HGD: variants seen among roughly 807,000 people sequenced by gnomAD.
HGD encodes homogentisate oxidase.
Under a neutral mutation model 60.8 loss-of-function variants are expected in HGD, and 61 were observed. The ratio of observed to expected loss-of-function variants is 1.00; its 90% CI spans 0.82 to 1.24. The LOEUF (loss-of-function observed/expected upper bound fraction) is 1.24. Ranked by LOEUF, HGD falls within the 50% of genes most tolerant of loss-of-function variation. HGD has a pLI of 0.00. For synonymous variants in HGD, 212 were observed against 187.7 expected (o/e 1.13, Z -1.06); for missense variants, 542 against 547.1 (o/e 0.99, Z 0.09).
rs1940599735 is a variant in HGD, at chr3:120,631,813, A to ACCCAGGGTCT, written c.1188+1324_1188+1333dup. ...CCATCAGGTATTCTGGCTCCTTGAT[A>ACCCAGGGTCT]CCCAGGGTCTCCCATCCTAATAGGA... is the stretch of plus-strand genomic sequence containing the variant. On this transcript the variant is annotated intron_variant, in intron 13 of 13. Transcript: ENST00000283871. Among the ~76,000 whole-genome samples the ACCCAGGGTCT allele has an allele frequency of 2.0e-5, 3 of 152,192 alleles. No homozygotes were observed. The East Asian group carries it at 5.8e-4, about 29-fold the overall frequency.
chr3:120,652,463 G>A (rs565804638), intron 5 of HGD, 129 bp downstream of exon 5: 101 of 713,478 alleles, frequency 1.4e-4, no homozygotes, highest in Admixed American at 6.0e-5. Flanking sequence ...CAAAGCATAC[G>A]CAGGTGGTTT....
chr3:120,659,544 A>C (rs1166289899), intron 4 of HGD, among the ~76,000 whole-genome samples: 1 of 152,170 alleles, frequency 6.6e-6, no homozygotes, highest in Non-Finnish European at 1.5e-5. Context: ...TTTATTGTTC[A>C]TGTCACTATT....
rs1201452131 is a variant in HGD, at chr3:120,630,825, T to TAC, written c.1189-2298_1189-2297dup. 6.8e-4 allele frequency among the ~76,000 whole-genome samples: 71 copies of TAC among 104,132 alleles called. 1 individual carries two copies. Among genetic ancestry groups the TAC allele is most frequent in the East Asian group, 2.5e-3 (10 of 3,968 alleles). The allele number at this position is 104,132 out of a possible 152,430, so 68.3% of individuals were successfully genotyped here. On this transcript the variant is annotated intron_variant, in intron 13 of 13. Transcript: ENST00000283871. ...ATATATATATATATATATATATATA[T>TAC]ACACATACACACACACATACACACA...
chr3:120,654,543 T>A (rs529894453), intron 4 of HGD, among the ~76,000 whole-genome samples: 43 of 152,340 alleles, frequency 2.8e-4, no homozygotes, highest in South Asian at 8.3e-4. Context: ...ATCAACTAAA[T>A]TCTGGCATCT....
At chr3:120,681,215 G>A (rs183562284) in intron 1 of HGD, among the ~76,000 whole-genome samples, 1 of 152,350 alleles carries the variant, frequency 6.6e-6, no homozygotes, top group East Asian at 1.9e-4. Flanking sequence ...GAAGATGTCT[G>A]TTGTGGGGTG....
chr3:120,631,294 T>A lies in HGD; in HGVS notation c.1188+1853A>T, dbSNP rs1343285455. ...GAATAAGACCTAGCATTTGATAGCA[T>A]AACAGGGTGACCATAGTCAATAAAA... is the stretch of plus-strand genomic sequence containing the variant. On this transcript the variant is annotated intron_variant, in intron 13 of 13. Coordinates refer to ENST00000283871, the MANE Select transcript of HGD (RefSeq NM_000187.4). Among the ~76,000 whole-genome samples, 5 of 152,230 alleles carry A rather than the reference T, an allele frequency of 3.3e-5. No homozygotes were observed. The East Asian group carries it at 9.7e-4, about 29-fold the overall frequency.
intron 13 of HGD, among the ~76,000 whole-genome samples, chr3:120,629,583 CAA>C (rs1940521240): frequency 6.6e-6 from 1 of 152,154 alleles, no homozygotes; most frequent in African/African-American, 2.4e-5. Flanking sequence ...AGTATATCTT[CAA>C]GTTAAAAACT....
intron 1 of HGD, chr3:120,677,948 G>A (rs1377552727): frequency 1.3e-5 from 2 of 152,218 alleles, no homozygotes; most frequent in East Asian, 1.9e-4. Flanking sequence ...GCGTGGAGAT[G>A]TAACAAGCCT....
rs775274569 is a variant in HGD at position 120,647,888 on chromosome 3, T to C, written c.458A>G (p.Asp153Gly). 1.2e-6 allele frequency: 2 copies of C among 1,612,404 alleles called. No homozygotes were observed. The highest frequency in any genetic ancestry group is 2.2e-5 in the East Asian group (1 of 44,876). Residue 153 changes from aspartate to glycine, a missense_variant, in exon 7 of 14, where the codon GAC (aspartate) becomes GGC (glycine). Coordinates refer to ENST00000283871, the MANE Select transcript of HGD (RefSeq NM_000187.4). ...TCTTCAGAACTCACCAATCAAGAAG[T>C]CCCCATCTGAATTGTAAAAGCATCT... ...ENRCFYNSDGDFLIVPQKGNL... is the reference protein window; with the variant it reads ...ENRCFYNSDGGFLIVPQKGNL...
intron 4 of HGD, among the ~76,000 whole-genome samples, chr3:120,669,049 G>A (rs1368709121): frequency 6.6e-6 from 1 of 152,010 alleles, no homozygotes; most frequent in East Asian, 1.9e-4. Context: ...TAGAGAAAAC[G>A]CCCACTATTA....
intron 6 of HGD, 80 bp downstream of exon 6, chr3:120,650,694 A>T: frequency 9.9e-7 from 1 of 1,007,816 alleles, no homozygotes; most frequent in Non-Finnish European, 1.6e-6. Flanking sequence ...TGACTTCACA[A>T]GAGTGAAACC....
chr3:120,681,575 G>A (rs1056952589), intron 1 of HGD, among the ~76,000 whole-genome samples: 2 of 152,190 alleles, frequency 1.3e-5, no homozygotes, highest in African/African-American at 4.8e-5. Context: ...TAGCTAAAAT[G>A]CTTAGCACCT....
intron 11 of HGD, 148 bp from the exon 12 acceptor site, chr3:120,638,729 A>G (rs956847144): frequency 1.1e-6 from 1 of 896,548 alleles, no homozygotes; most frequent in African/African-American, 1.7e-5. Flanking sequence ...AGATAGAGGG[A>G]TACATATGCA....
At chr3:120,634,692 C>T (rs538322506) in intron 12 of HGD, among the ~76,000 whole-genome samples, 3 of 152,292 alleles carry the variant, frequency 2.0e-5, no homozygotes, top group Admixed American at 2.0e-4. Flanking sequence ...GCAGTGGCAA[C>T]CGTTACAAAA....
intron 4 of HGD, among the ~76,000 whole-genome samples, chr3:120,658,017 C>T (rs1423016364): frequency 1.3e-5 from 2 of 152,142 alleles, no homozygotes; most frequent in Admixed American, 6.5e-5. Flanking sequence ...CCACCTCCAA[C>T]ATTAGGGATT....
rs1033012333 is a variant in HGD at position 120,633,253 on chromosome 3, C to G, written c.1082G>C (p.Gly361Ala). The G allele has an allele frequency of 1.2e-6, 2 of 1,613,992 alleles. No homozygotes were observed. Among genetic ancestry groups the G allele is most frequent in the East Asian group, 4.5e-5 (2 of 44,854 alleles). The change falls in exon 13 of 14, where the codon GGA (glycine) becomes GCA (alanine). Residue 361 changes from glycine (G) to alanine (A), a missense_variant. Gly to Ala is a moderately conservative substitution (Grantham distance 60). This residue lies in a region of HGD where 537 missense variants were observed against 529.1 expected (regional missense o/e 1.01). Coordinates refer to ENST00000283871, the MANE Select transcript of HGD (RefSeq NM_000187.4). ...EAKQGGFLPG[G>A]GSLHSTMTPH... Reference sequence around the variant, plus strand: ...GGTCATTGTGCTGTGTAGACTCCCTCCCCCTGGCAGGAACCCACCTTGCTT... The same window carrying G: ...GGTCATTGTGCTGTGTAGACTCCCTGCCCCTGGCAGGAACCCACCTTGCTT...
rs1377948705 is a variant in HGD, at chr3:120,644,499, C to T, written c.650-56G>A. The T allele has an allele frequency of 3.1e-6, 5 of 1,612,120 alleles. No homozygotes were observed. The highest frequency in any genetic ancestry group is 2.2e-5 in the East Asian group (1 of 44,828). On this transcript the variant is annotated intron_variant, in intron 9 of 13. Coordinates refer to ENST00000283871, the MANE Select transcript of HGD (RefSeq NM_000187.4). ...AAACTTCCAAAACATAGGAAAGATG[C>T]CCATGGTTGCATGAAGAGAAAGGCT...
intron 6 of HGD, among the ~76,000 whole-genome samples, chr3:120,649,746 G>A (rs1449175036): frequency 6.6e-6 from 1 of 152,132 alleles, no homozygotes; most frequent in Non-Finnish European, 1.5e-5. Context: ...GCGCTACAGG[G>A]AACCCCCCCA....
chr3:120,678,045 A>T (rs1708165613), intron 1 of HGD: 2 of 152,236 alleles, frequency 1.3e-5, no homozygotes, highest in African/African-American at 4.8e-5. Context: ...AAGCAATGGA[A>T]GTGAAAAATT....
Sources: gnomAD v4.1 joint callset for allele counts (sites outside exome capture counted in the v4.1 genomes callset) on GRCh38, gnomAD v4.1.1 for gene constraint, gnomAD v4.1.1 regional missense constraint, MANE v1.5 for transcripts, NCBI Gene and HGNC (gene_info 2026-07-23, HGNC 2026-07-21) for gene names.